MARCHF3: variants seen among roughly 807,000 people sequenced by gnomAD.
MARCHF3 encodes E3 ubiquitin-protein ligase MARCHF3.
In MARCHF3, 13 loss-of-function variants were observed where a neutral mutation model predicts 24.2. The observed-to-expected ratio is 0.54, with a 90% confidence interval of 0.35 to 0.85. The LOEUF (loss-of-function observed/expected upper bound fraction) is 0.85, where lower values mean the gene tolerates loss of function less well. Among genes scored for constraint, MARCHF3 ranks in the 40% least tolerant of loss-of-function variants. The pLI, the probability that MARCHF3 is intolerant of heterozygous loss-of-function variation, is 0.01. For synonymous variants in MARCHF3, 144 were observed against 137.3 expected, an observed-to-expected ratio of 1.05 and a Z score of -0.34; for missense variants, 276 against 325.0, an observed-to-expected ratio of 0.85 and a Z score of 1.16.
intron 1 of MARCHF3, among the ~76,000 whole-genome samples, chr5:127,027,936 C>T (rs1015060133): frequency 6.6e-6 from 1 of 152,130 alleles, no homozygotes; most frequent in Non-Finnish European, 1.5e-5. Flanking sequence ...AAATTGAAAC[C>T]CTGGGACTGA....
At chr5:127,024,333 G>A (rs1292244143) in intron 1 of MARCHF3, among the ~76,000 whole-genome samples, 3 of 152,150 alleles carry the variant, frequency 2.0e-5, no homozygotes, top group Non-Finnish European at 2.9e-5. Context: ...ATGTTCACTT[G>A]TAATTCTTTG....
chr5:126,887,814 A>G (rs900274419), intron 3 of MARCHF3, among the ~76,000 whole-genome samples: 1 of 152,176 alleles, frequency 6.6e-6, no homozygotes, highest in African/African-American at 2.4e-5. Context: ...CTTTGCTTGA[A>G]TGACACTTCT....
intron 1 of MARCHF3, among the ~76,000 whole-genome samples, chr5:126,954,199 A>ATTTTT (rs750262766): frequency 2.5e-4 from 29 of 114,074 alleles, no homozygotes; most frequent in Non-Finnish European, 3.1e-4. Context: ...CGCCCGGCTA[A>ATTTTT]TTTTTTTTTT....
chr5:126,878,159 G>T (rs1256453847), intron 4 of MARCHF3, 26 bp downstream of exon 4: 1 of 1,609,644 alleles, frequency 6.2e-7, no homozygotes, highest in East Asian at 2.2e-5. Flanking sequence ...CAAATGGCCT[G>T]AACCCCAGCC....
chr5:126,991,412 A>C (rs1751755889), intron 1 of MARCHF3, among the ~76,000 whole-genome samples: 1 of 152,048 alleles, frequency 6.6e-6, no homozygotes, highest in Non-Finnish European at 1.5e-5. Context: ...GTGGGAGTCT[A>C]GGGGAGGGAT....
intron 1 of MARCHF3, among the ~76,000 whole-genome samples, chr5:126,992,872 C>G (rs1016084305): frequency 6.7e-6 from 1 of 149,682 alleles, no homozygotes; most frequent in Non-Finnish European, 1.5e-5. Context: ...TCCGGGTTCA[C>G]GCCATTCTCC....
At chr5:127,004,246 G>C (rs72782307) in intron 1 of MARCHF3, among the ~76,000 whole-genome samples, 3,035 of 152,140 alleles carry the variant, frequency 0.02, 52 homozygotes, top group Non-Finnish European at 0.032. Flanking sequence ...CTATAAATAG[G>C]CTGCAAAACG....
chr5:126,883,062 A>G (rs1044792844), intron 3 of MARCHF3, among the ~76,000 whole-genome samples: 1 of 152,228 alleles, frequency 6.6e-6, no homozygotes, highest in African/African-American at 2.4e-5. Flanking sequence ...TATCAGTACA[A>G]GAAGGAATAT....
At chr5:126,890,152 G>T (rs1753633535) in intron 3 of MARCHF3, among the ~76,000 whole-genome samples, 1 of 152,164 alleles carries the variant, frequency 6.6e-6, no homozygotes, top group South Asian at 2.1e-4. Flanking sequence ...TATCTGAGCA[G>T]AGGGCAATGT....
At chr5:127,012,628 T>C (rs1159465971) in intron 1 of MARCHF3, among the ~76,000 whole-genome samples, 1 of 152,190 alleles carries the variant, frequency 6.6e-6, no homozygotes, top group Non-Finnish European at 1.5e-5. Flanking sequence ...CAGGATATGT[T>C]AGGTAAAACT....
At chr5:126,984,941 A>C (rs1160191981) in intron 1 of MARCHF3, among the ~76,000 whole-genome samples, 1 of 152,210 alleles carries the variant, frequency 6.6e-6, no homozygotes, top group East Asian at 1.9e-4. Flanking sequence ...TCTAGTGGAA[A>C]GGTGGGAGCT....
At chr5:126,966,163 G>T (rs1750806615) in intron 1 of MARCHF3, among the ~76,000 whole-genome samples, 1 of 152,210 alleles carries the variant, frequency 6.6e-6, no homozygotes, top group Non-Finnish European at 1.5e-5. Context: ...AATCACATCA[G>T]TGGTTTCCTG....
chr5:126,971,216 G>A (rs925956387), intron 1 of MARCHF3, among the ~76,000 whole-genome samples: 9 of 151,990 alleles, frequency 5.9e-5, no homozygotes, highest in Non-Finnish European at 1.0e-4. Context: ...TTGGGAGGCC[G>A]AGGCGGGCAG....
At chr5:126,901,079 A>G (rs1160171534) in intron 3 of MARCHF3, among the ~76,000 whole-genome samples, 1 of 152,060 alleles carries the variant, frequency 6.6e-6, no homozygotes, top group Non-Finnish European at 1.5e-5. Context: ...ATGAAGAGTG[A>G]CTTAGGTCTG....
rs72780291 is a variant in MARCHF3 at position 126,885,914 on chromosome 5, C to T, written c.394-7520G>A. On this transcript the variant is annotated intron_variant, in intron 3 of 4. Transcript: ENST00000308660. ...AGTAACCATGGAACATCTATTTTTC[C>T]ATAGGTCATGAAGTCGTATGAGAAA... is the stretch of plus-strand genomic sequence containing the variant. Among the ~76,000 whole-genome samples the T allele has an allele frequency of 4.7e-3, 709 of 151,788 alleles. 4 individuals carry two copies. The highest frequency in any genetic ancestry group is 9.2e-3 in the Admixed American group (140 of 15,244).
intron 1 of MARCHF3, among the ~76,000 whole-genome samples, chr5:126,933,405 A>G (rs1167163880): frequency 2.0e-5 from 3 of 151,480 alleles, no homozygotes; most frequent in Admixed American, 6.6e-5. Context: ...ATTCAATAAC[A>G]GAATTTTCCG....
chr5:127,009,513 T>G (rs1019774368), intron 1 of MARCHF3, among the ~76,000 whole-genome samples: 2 of 152,228 alleles, frequency 1.3e-5, no homozygotes, highest in Non-Finnish European at 2.9e-5. Flanking sequence ...AAATGACATT[T>G]TTATTTGTGC....
At chr5:126,951,940 G>T (rs1333892905) in intron 1 of MARCHF3, among the ~76,000 whole-genome samples, 1 of 152,098 alleles carries the variant, frequency 6.6e-6, no homozygotes. Flanking sequence ...TCTGCCTCCC[G>T]GGTTCAAGCG....
At chr5:126,872,072 GTC>G in intron 4 of MARCHF3, among the ~76,000 whole-genome samples, 1 of 103,552 alleles carries the variant, frequency 9.7e-6, no homozygotes, top group South Asian at 3.7e-4. Flanking sequence ...AGAGATCCTT[GTC>G]TTTTTTTTTT....
Sources: gnomAD v4.1 joint callset for allele counts (sites outside exome capture counted in the v4.1 genomes callset) on GRCh38, gnomAD v4.1.1 for gene constraint, MANE v1.5 for transcripts, NCBI Gene and HGNC (gene_info 2026-07-23, HGNC 2026-07-21) for gene names.